Variants in SLC24A3 observed in about 807,000 individuals in gnomAD.
SLC24A3 encodes sodium/potassium/calcium exchanger 3.
SLC24A3 carries 28 observed loss-of-function variants against 75.8 expected under a neutral mutation model. The ratio of observed to expected loss-of-function variants is 0.37; its 90% CI spans 0.27 to 0.51. The LOEUF (loss-of-function observed/expected upper bound fraction) is 0.51, where lower values mean the gene tolerates loss of function less well. Ranked by LOEUF, SLC24A3 falls within the 20% of genes least tolerant of loss-of-function variation. SLC24A3 has a pLI of 0.94. For missense variants in SLC24A3, 663 were observed against 847.8 expected (o/e 0.78, Z 2.71); for synonymous variants, 372 against 334.1 (o/e 1.11, Z -1.24).
intron 3 of SLC24A3, among the ~76,000 whole-genome samples, chr20:19,535,519 A>C (rs996168445): frequency 6.6e-6 from 1 of 152,242 alleles, no homozygotes; most frequent in Non-Finnish European, 1.5e-5. Context: ...GCCTAGGCTT[A>C]AAACTGACAC....
chr20:19,494,410 G>T (rs1335929152), intron 2 of SLC24A3, among the ~76,000 whole-genome samples: 1 of 152,190 alleles, frequency 6.6e-6, no homozygotes, highest in African/African-American at 2.4e-5. Context: ...ATCTCAATGA[G>T]GATGCTTGGT....
chr20:19,325,793 T>TAGAGAGAG (rs1224595512), intron 2 of SLC24A3, among the ~76,000 whole-genome samples: 7 of 82,806 alleles, frequency 8.5e-5, no homozygotes, highest in African/African-American at 1.4e-4. Context: ...TATATATATA[T>TAGAGAGAG]ATAGAGAGAG....
intron 2 of SLC24A3, among the ~76,000 whole-genome samples, chr20:19,451,991 A>G (rs1306471163): frequency 6.6e-6 from 1 of 152,148 alleles, no homozygotes; most frequent in Non-Finnish European, 1.5e-5. Context: ...GTCTGTCCAC[A>G]TGTTATAAAA....
At chr20:19,668,813 C>T (rs1490377128) in intron 8 of SLC24A3, among the ~76,000 whole-genome samples, 2 of 152,144 alleles carry the variant, frequency 1.3e-5, no homozygotes, top group Non-Finnish European at 2.9e-5. Flanking sequence ...TATCAGTGCC[C>T]CGGATGTAGG....
intron 3 of SLC24A3, among the ~76,000 whole-genome samples, chr20:19,540,148 G>T (rs1232596312): frequency 6.6e-6 from 1 of 152,152 alleles, no homozygotes; most frequent in Non-Finnish European, 1.5e-5. Flanking sequence ...GTGTCCTTCG[G>T]TTCAAAGTAC....
intron 2 of SLC24A3, among the ~76,000 whole-genome samples, chr20:19,438,750 A>G (rs772104678): frequency 1.6e-4 from 25 of 152,086 alleles, no homozygotes; most frequent in Admixed American, 9.8e-4. Flanking sequence ...GCACCCTGAC[A>G]TGGCAGGTAG....
chr20:19,301,857 A>T (rs1019546071), intron 2 of SLC24A3, among the ~76,000 whole-genome samples: 1 of 152,112 alleles, frequency 6.6e-6, no homozygotes, highest in Non-Finnish European at 1.5e-5. Context: ...AAAAGATTGG[A>T]CCTCACTCCG....
intron 10 of SLC24A3, 75 bp downstream of exon 10, chr20:19,682,066 A>C: frequency 6.7e-7 from 1 of 1,490,744 alleles, no homozygotes; most frequent in Non-Finnish European, 9.2e-7. Flanking sequence ...CAGCCTGGCC[A>C]ACATGGCAAA....
intron 2 of SLC24A3, among the ~76,000 whole-genome samples, chr20:19,299,655 T>TA: frequency 6.6e-6 from 1 of 152,272 alleles, no homozygotes; most frequent in Non-Finnish European, 1.5e-5. Flanking sequence ...GCCTGGAACT[T>TA]ATGTAAACGC....
rs1243940172 is a variant in SLC24A3, at chr20:19,411,780, G to A, written c.272-103708G>A. Among the ~76,000 whole-genome samples the A allele has an allele frequency of 3.3e-5, 5 of 152,192 alleles. No homozygotes were observed. The East Asian group carries it at 7.7e-4, about 23-fold the overall frequency. On this transcript the variant is annotated intron_variant, in intron 2 of 16. Coordinates refer to ENST00000328041, the MANE Select transcript of SLC24A3 (RefSeq NM_020689.4). ...ATGTTTCACTTGAGCAACCTCTGAC[G>A]CGTTGATCTCCAGTAGTACATTATA... is the stretch of plus-strand genomic sequence containing the variant.
chr20:19,380,491 G>T (rs1986162152), intron 2 of SLC24A3, among the ~76,000 whole-genome samples: 2 of 152,154 alleles, frequency 1.3e-5, no homozygotes, highest in Non-Finnish European at 2.9e-5. Flanking sequence ...ATTTTGGAAA[G>T]GTCTCTCTGG....
chr20:19,710,827 A>G (rs1388624200), intron 15 of SLC24A3, among the ~76,000 whole-genome samples: 2 of 152,246 alleles, frequency 1.3e-5, no homozygotes, highest in Non-Finnish European at 2.9e-5. Flanking sequence ...GTATTTGTCA[A>G]AACTCATCCA....
At chr20:19,427,245 G>A (rs1010861394) in intron 2 of SLC24A3, among the ~76,000 whole-genome samples, 6 of 152,046 alleles carry the variant, frequency 3.9e-5, no homozygotes, top group Admixed American at 2.6e-4. Flanking sequence ...GTGAGACACC[G>A]GCATGAAAAA....
chr20:19,571,359 T>A (rs1427762734), intron 3 of SLC24A3, among the ~76,000 whole-genome samples: 1 of 152,038 alleles, frequency 6.6e-6, no homozygotes, highest in Non-Finnish European at 1.5e-5. Context: ...CCTGAGAAAC[T>A]GACAACCAAA....
chr20:19,632,953 A>G (rs2031952834), intron 6 of SLC24A3, among the ~76,000 whole-genome samples: 1 of 152,222 alleles, frequency 6.6e-6, no homozygotes. Flanking sequence ...GATACGGACA[A>G]CTTTCCATTT....
At chr20:19,645,952 G>T in intron 6 of SLC24A3, among the ~76,000 whole-genome samples, 1 of 152,168 alleles carries the variant, frequency 6.6e-6, no homozygotes, top group Non-Finnish European at 1.5e-5. Context: ...CTACCTGGGA[G>T]ACTGAGATGG....
At chr20:19,397,731 A>G (rs893611916) in intron 2 of SLC24A3, among the ~76,000 whole-genome samples, 4 of 150,426 alleles carry the variant, frequency 2.7e-5, no homozygotes, top group African/African-American at 9.8e-5. Flanking sequence ...CTGTTAAAAT[A>G]GCCAGACTCT....
chr20:19,276,745 AAAT>A (rs1340396001), intron 1 of SLC24A3, among the ~76,000 whole-genome samples: 1 of 152,124 alleles, frequency 6.6e-6, no homozygotes, highest in East Asian at 1.9e-4. Context: ...TCTCTACAAA[AAAT>A]AATAAAATTA....
At chr20:19,327,917 G>GC (rs1197474206) in intron 2 of SLC24A3, among the ~76,000 whole-genome samples, 1 of 152,140 alleles carries the variant, frequency 6.6e-6, no homozygotes, top group East Asian at 1.9e-4. Flanking sequence ...GGGGTGGTGG[G>GC]GGCTGGTGGT....
Sources: allele counts gnomAD v4.1 joint callset (sites outside exome capture counted in the v4.1 genomes callset), GRCh38; gene constraint gnomAD v4.1.1; transcripts MANE v1.5; gene names NCBI Gene and HGNC (gene_info 2026-07-23, HGNC 2026-07-21).